The following DICER1 variants were observed in gnomAD, a reference collection of about 807,000 sequenced individuals.
The protein encoded by DICER1 is dicer 1, ribonuclease III.
Under a neutral mutation model 194.1 loss-of-function variants are expected in DICER1, and 43 were observed. The observed-to-expected ratio is 0.22, with a 90% confidence interval of 0.17 to 0.29. The LOEUF (loss-of-function observed/expected upper bound fraction) is 0.29, where lower values mean the gene tolerates loss of function less well. DICER1 is among the 10% of genes least tolerant of loss of function. DICER1 has a pLI of 1.00. For synonymous variants in DICER1, 832 were observed against 820.5 expected (o/e 1.01, Z -0.24); for missense variants, 1,608 against 2,317.0 (o/e 0.69, Z 6.28).
At chr14:95,156,326 G>GA (rs1230160961) in intron 1 of DICER1, among the ~76,000 whole-genome samples, 6 of 152,168 alleles carry the variant, frequency 3.9e-5, no homozygotes, top group African/African-American at 1.2e-4. Flanking sequence ...TTTAAAACCT[G>GA]AAAGTCCTAA....
chr14:95,133,294 T>A, intron 2 of DICER1, 21 bp downstream of exon 2: 1 of 1,612,346 alleles, frequency 6.2e-7, no homozygotes, highest in Non-Finnish European at 8.5e-7. Context: ...AATGCTCCAG[T>A]ATTAGTGTTC....
At chr14:95,111,572 C>T in intron 13 of DICER1, 116 bp from the exon 14 acceptor site, 1 of 1,149,490 alleles carries the variant, frequency 8.7e-7, no homozygotes, top group Non-Finnish European at 1.3e-6. Context: ...ACTAAAGCAC[C>T]TTTGCCTTTT....
rs878855249 is a variant in DICER1 at position 95,111,324 on chromosome 14, G to C, written c.2249C>G (p.Pro750Arg). 6.2e-7 allele frequency: 1 copy of C among 1,613,992 alleles called. No homozygotes were observed. The highest frequency in any genetic ancestry group is 1.7e-5 in the Admixed American group (1 of 59,992). Residue 750 changes from proline to arginine, a missense_variant, in exon 14 of 27, where the codon CCA becomes CGA. Physicochemically the swap from Pro to Arg is moderately radical, Grantham distance 103. Around this residue, in one of 10 missense-constraint regions of DICER1, gnomAD observed 657 missense variants for 910.1 expected, o/e 0.72. Coordinates refer to ENST00000343455, the MANE Select transcript of DICER1 (RefSeq NM_177438.3). ...PGSTKRRQCYPKAIPECLRDS... is the reference protein window; with the variant it reads ...PGSTKRRQCYRKAIPECLRDS... ...GTTCTAACCAATACTAACTGCTTTTGGGTAGCACTGCCTTCGTTTCGTGGA... is the reference window on the plus strand; with the variant it reads ...GTTCTAACCAATACTAACTGCTTTTCGGTAGCACTGCCTTCGTTTCGTGGA...
upstream of DICER1, chr14:95,157,714 C>CTGGA (rs1378682342): frequency 2.0e-5 from 3 of 152,328 alleles, no homozygotes; most frequent in African/African-American, 7.2e-5. Context: ...AGCGCCTGGA[C>CTGGA]TGGACCTTGG....
intron 24 of DICER1, among the ~76,000 whole-genome samples, chr14:95,093,629 C>T (rs1012095207): frequency 3.9e-5 from 6 of 152,156 alleles, no homozygotes; most frequent in African/African-American, 1.4e-4. Context: ...CTCATGAAGG[C>T]GTGGGAAGGG....
intron 23 of DICER1, 137 bp from the exon 24 acceptor site, chr14:95,094,293 T>C (rs1030314950): frequency 1.8e-6 from 2 of 1,112,776 alleles, no homozygotes; most frequent in Admixed American, 2.3e-5. Flanking sequence ...AAAGGATATC[T>C]GACATATCAT....
chr14:95,128,529 C>T (rs1893678009), intron 6 of DICER1, among the ~76,000 whole-genome samples: 1 of 152,174 alleles, frequency 6.6e-6, no homozygotes, highest in South Asian at 2.1e-4. Context: ...ATTACCTTTC[C>T]TTCTCACTCT....
intron 1 of DICER1, chr14:95,140,521 C>T (rs1894763552): frequency 6.6e-6 from 1 of 152,140 alleles, no homozygotes; most frequent in South Asian, 2.1e-4. Flanking sequence ...GATGTTCACA[C>T]AATGACAAAA....
rs769225805 is a variant in DICER1 at position 95,096,079 on chromosome 14, T to C, written c.4841A>G (p.Gln1614Arg). Residue 1614 changes from glutamine to arginine, a missense_variant, in exon 23 of 27, where the codon CAA (glutamine) becomes CGA (arginine). Transcript: ENST00000343455. ...AGCACAGCTCACTGAAAGGTTCTTT[T>C]GTTGGCTGTTGAAATTCTCCCGAGT... ...CPTRENFNSQ[Q>R]KNLSVSCAAA... 2 of 1,614,230 alleles carry C rather than the reference T, an allele frequency of 1.2e-6. No homozygotes were observed. Among genetic ancestry groups the C allele is most frequent in the Middle Eastern group, 1.6e-4 (1 of 6,062 alleles).
intron 23 of DICER1, among the ~76,000 whole-genome samples, chr14:95,095,045 A>G (rs892104714): frequency 1.3e-5 from 2 of 152,222 alleles, no homozygotes; most frequent in African/African-American, 2.4e-5. Context: ...CCAGAGTCAG[A>G]TAGTTTTTCA....
intron 12 of DICER1, 70 bp downstream of exon 12, chr14:95,113,022 T>A: frequency 6.5e-7 from 1 of 1,531,918 alleles, no homozygotes; most frequent in Non-Finnish European, 9.0e-7. Flanking sequence ...TTGCAAGTCT[T>A]AGAAAAGCTG....
chr14:95,151,422 C>T (rs576319618), intron 1 of DICER1, among the ~76,000 whole-genome samples: 2 of 152,098 alleles, frequency 1.3e-5, no homozygotes, highest in South Asian at 2.1e-4. Flanking sequence ...CTCTAATACA[C>T]GTATTTAAAA....
At position 95,103,700 on chromosome 14, in the gene DICER1, G is replaced by C; in HGVS notation, c.3696C>G (p.Ser1232Arg). 6.2e-7 allele frequency: 1 copy of C among 1,614,158 alleles called. No individual in the cohort carries two copies. Among genetic ancestry groups the C allele is most frequent in the South Asian group, 1.1e-5 (1 of 91,078 alleles). The change falls in exon 21 of 27, where the codon AGC (serine) becomes AGG (arginine). Residue 1232 changes from serine to arginine, a missense_variant. Around this residue, in one of 10 missense-constraint regions of DICER1, gnomAD observed 222 missense variants for 215.5 expected, o/e 1.03. Transcript: ENST00000343455. The stretch of plus-strand genomic sequence containing the variant: ...TATTACTCAGGAGAGTACATTCATC[G>C]CTGGGCTGGGGCTGGTTCTCGTAAC... ...LYSYENQPQPSDECTLLSNKY... is the reference protein window; with the variant it reads ...LYSYENQPQPRDECTLLSNKY...
chr14:95,100,970 T>G (rs1210424770), intron 21 of DICER1, among the ~76,000 whole-genome samples: 1 of 152,108 alleles, frequency 6.6e-6, no homozygotes. Context: ...AGCTTCCCTT[T>G]CCAAGCTAAG....
At chr14:95,129,659 A>G (rs1427540491) in intron 5 of DICER1, 27 bp from the exon 6 acceptor site, 5 of 1,603,026 alleles carry the variant, frequency 3.1e-6, no homozygotes, top group Admixed American at 1.7e-5. Flanking sequence ...TACTGACAGT[A>G]AAGACTTCAT....
intron 21 of DICER1, 110 bp from the exon 22 acceptor site, chr14:95,100,045 T>A: frequency 3.4e-6 from 4 of 1,193,454 alleles, no homozygotes; most frequent in Non-Finnish European, 4.8e-6. Flanking sequence ...ATCAATTAAT[T>A]ATATGTCATC....
At chr14:95,097,375 T>C (rs1209904) in intron 22 of DICER1, among the ~76,000 whole-genome samples, 114,975 of 152,014 alleles carry the variant, frequency 0.76, 43,762 homozygotes, top group East Asian at 0.96. Context: ...AGAAGTTACG[T>C]TTTTTCCCTC....
rs747100502 is a variant in DICER1 at position 95,099,762 on chromosome 14, ACACACAC to A, written c.4206+11_4206+17del. On this transcript the variant is annotated intron_variant, in intron 22 of 26. Coordinates refer to ENST00000343455, the MANE Select transcript of DICER1 (RefSeq NM_177438.3). Reference sequence around the variant, plus strand: ...CACACACACACACACACACACACACACACACACACAAACTTACCATTTCATCTTTTTC... The same window carrying A: ...CACACACACACACACACACACACACAACAAACTTACCATTTCATCTTTTTC... 86 of 1,258,598 alleles carry A rather than the reference ACACACAC, an allele frequency of 6.8e-5. No homozygotes were observed. The African/African-American group carries it at 1.2e-3, about 18-fold the overall frequency. The allele number at this position is 1,258,598 out of a possible 1,614,324, so 78.0% of individuals were successfully genotyped here. A position where few individuals can be genotyped will look rare whatever the true frequency, so the allele number is the denominator to read the frequency against.
intron 1 of DICER1, among the ~76,000 whole-genome samples, chr14:95,149,628 A>G (rs916074980): frequency 5.3e-5 from 8 of 152,210 alleles, no homozygotes; most frequent in African/African-American, 9.7e-5. Flanking sequence ...ATCTCATACT[A>G]TACTCACATT....
Sources: allele counts gnomAD v4.1 joint callset (sites outside exome capture counted in the v4.1 genomes callset), GRCh38; gene constraint gnomAD v4.1.1; regional missense constraint gnomAD v4.1.1; transcripts MANE v1.5; gene names NCBI Gene and HGNC (gene_info 2026-07-23, HGNC 2026-07-21).